PRPH2: variants seen among roughly 807,000 people sequenced by gnomAD.
PRPH2 encodes peripherin-2.
In PRPH2, 17 loss-of-function variants were observed where a neutral mutation model predicts 31.3. The observed-to-expected ratio is 0.54, with a 90% CI of 0.37 to 0.81. The LOEUF (loss-of-function observed/expected upper bound fraction) is 0.81, where lower values mean the gene tolerates loss of function less well. PRPH2 is among the 40% of genes least tolerant of loss of function. PRPH2 has a pLI of 0.00. For missense variants in PRPH2, 430 were observed against 439.7 expected, an observed-to-expected ratio of 0.98 and a Z score of 0.20; for synonymous variants, 165 against 184.4, an observed-to-expected ratio of 0.89 and a Z score of 0.85.
chr6:42,704,637 A>C, intron 1 of PRPH2, 26 bp from the exon 2 acceptor site: 1 of 1,614,106 alleles, frequency 6.2e-7, no homozygotes, highest in Non-Finnish European at 8.5e-7. Context: ...ACAGCTGGAG[A>C]TGGGCTTCCC....
chr6:42,720,312 G>C (rs932457552), intron 1 of PRPH2, among the ~76,000 whole-genome samples: 7 of 152,112 alleles, frequency 4.6e-5, no homozygotes, highest in African/African-American at 1.7e-4. Context: ...AAGATGAAAA[G>C]CCCCTTCTCT....
At chr6:42,705,705 C>G (rs1260337883) in intron 1 of PRPH2, among the ~76,000 whole-genome samples, 1 of 145,302 alleles carries the variant, frequency 6.9e-6, no homozygotes, top group Non-Finnish European at 1.5e-5. Context: ...GCCTGTAATC[C>G]CAGCACTTTG....
chr6:42,707,565 C>T (rs565870797), intron 1 of PRPH2, among the ~76,000 whole-genome samples: 5 of 152,308 alleles, frequency 3.3e-5, no homozygotes, highest in Admixed American at 3.3e-4. Flanking sequence ...ACAGGTCAGA[C>T]TTTTGATCTT....
Position 42,722,196 on chromosome 6 carries a change from T to C in PRPH2, c.139A>G (p.Lys47Glu), listed in dbSNP as rs1562434309. The change falls in exon 1 of 3, where the codon AAG becomes GAG. Residue 47 changes from lysine to glutamate, a missense_variant. Coordinates refer to ENST00000230381, the MANE Select transcript of PRPH2 (RefSeq NM_000322.5). This position sits in a 1 kb window ranked among gnomAD's most constrained non-coding sequence, Gnocchi z 4.4. ...LGLFLKIELR[K>E]RSDVMNNSES... is the part of the protein sequence containing the mutation. ...GAATTATTCATCACATCGCTCCTCT[T>C]TCGGAGTTCAATCTTCAGGAACAGT... 1 of 1,614,126 alleles carries C rather than the reference T, an allele frequency of 6.2e-7. No individual in the cohort carries two copies. Among genetic ancestry groups the C allele is most frequent in the Non-Finnish European group, 8.5e-7 (1 of 1,180,022 alleles).
chr6:42,714,417 T>C (rs1761733469), intron 1 of PRPH2, among the ~76,000 whole-genome samples: 1 of 152,220 alleles, frequency 6.6e-6, no homozygotes, highest in South Asian at 2.1e-4. Flanking sequence ...TAAAATTGAT[T>C]GTAATGCTGG....
intron 2 of PRPH2, among the ~76,000 whole-genome samples, chr6:42,702,069 C>T (rs552708704): frequency 1.3e-5 from 2 of 151,982 alleles, no homozygotes; most frequent in South Asian, 2.1e-4. Flanking sequence ...GGTCAAACCT[C>T]GTCTCTACTA....
intron 1 of PRPH2, among the ~76,000 whole-genome samples, chr6:42,719,914 G>A (rs756575574): frequency 1.3e-5 from 2 of 152,122 alleles, no homozygotes; most frequent in Non-Finnish European, 2.9e-5. Flanking sequence ...TTATGTAAAT[G>A]TTAACAAGAC....
chr6:42,708,153 G>C (rs187424295), intron 1 of PRPH2, among the ~76,000 whole-genome samples: 1 of 152,210 alleles, frequency 6.6e-6, no homozygotes, highest in Non-Finnish European at 1.5e-5. Flanking sequence ...TGTAAGAACA[G>C]AGCCCACCAC....
chr6:42,698,265 G>A lies in PRPH2; in HGVS notation c.*30C>T. 1 of 1,612,598 alleles carries A rather than the reference G, an allele frequency of 6.2e-7. No homozygotes were observed. Among genetic ancestry groups the A allele is most frequent in the South Asian group, 1.1e-5 (1 of 91,030 alleles). ...GTTTCTTGGAGTGCACTATTTCTCA[G>A]TGTTCGGGAGGGGAGGGGCCCCAGG... On this transcript the variant is annotated 3_prime_UTR_variant, in exon 3 of 3. Transcript: ENST00000230381.
intron 2 of PRPH2, among the ~76,000 whole-genome samples, chr6:42,700,949 C>T (rs962923040): frequency 1.3e-5 from 2 of 151,848 alleles, no homozygotes; most frequent in Admixed American, 6.6e-5. Flanking sequence ...AAGAGGCTGC[C>T]AATGGAACCC....
intron 1 of PRPH2, among the ~76,000 whole-genome samples, chr6:42,713,845 G>A (rs558010551): frequency 6.0e-5 from 9 of 148,996 alleles, no homozygotes; most frequent in African/African-American, 1.2e-4. Flanking sequence ...GCTTGAACCC[G>A]GGAGGCGAAG....
rs554945964 is a variant in PRPH2, at chr6:42,721,910, C to T, written c.425G>A (p.Arg142Gln). 28 of 1,614,124 alleles carry T rather than the reference C, an allele frequency of 1.7e-5. No homozygotes were observed. The highest frequency in any genetic ancestry group is 5.3e-5 in the African/African-American group (4 of 75,012). ...ACACCTGCCAGGGGTGTCTGTGTCC[C>T]GGTAGTACTTCATGCCGTTCTTGAG... The part of the protein sequence containing the change: ...QGLKNGMKYY[R>Q]DTDTPGRCFM... Residue 142 changes from arginine (R) to glutamine (Q), a missense_variant, in exon 1 of 3, where the codon CGG becomes CAG. By Grantham distance (43) the Arg-to-Gln change is conservative. Coordinates refer to ENST00000230381, the MANE Select transcript of PRPH2 (RefSeq NM_000322.5).
chr6:42,719,812 G>T (rs923751365), intron 1 of PRPH2, among the ~76,000 whole-genome samples: 1 of 150,770 alleles, frequency 6.6e-6, no homozygotes, highest in South Asian at 2.1e-4. Flanking sequence ...CAGGTGATCC[G>T]CCCGCCTCGG....
intron 2 of PRPH2, among the ~76,000 whole-genome samples, chr6:42,700,595 T>TA (rs1288057854): frequency 6.6e-6 from 1 of 152,246 alleles, no homozygotes; most frequent in Admixed American, 6.5e-5. Context: ...TAAATATTTT[T>TA]ACAGCAGAAA....
intron 1 of PRPH2, among the ~76,000 whole-genome samples, chr6:42,717,264 A>T (rs559554855): frequency 2.0e-5 from 3 of 151,868 alleles, no homozygotes; most frequent in South Asian, 2.1e-4. Context: ...AATACAAAAA[A>T]AAATAAATAG....
Position 42,722,117 on chromosome 6 carries a change from A to G in PRPH2, c.218T>C (p.Val73Ala). The change falls in exon 1 of 3, where the codon GTC becomes GCC. Residue 73 changes from valine (V) to alanine (A), a missense_variant. Physicochemically the swap from Val to Ala is moderately conservative, Grantham distance 64 (BLOSUM62 0). Coordinates refer to ENST00000230381, the MANE Select transcript of PRPH2 (RefSeq NM_000322.5). The surrounding 1 kb of genome is among the most constrained non-coding windows in gnomAD (Gnocchi z 4.4). ...GATCTTCCCAGCCAGCGAGTTGAAG[A>G]CACAGGATAGCACCCCCATCCCTAT... Reference protein sequence around the residue: ...SLIGMGVLSCVFNSLAGKICY... With the variant: ...SLIGMGVLSCAFNSLAGKICY... 6.2e-7 allele frequency: 1 copy of G among 1,614,158 alleles called. No homozygotes were observed.
At chr6:42,706,975 C>CTTTT (rs34162811) in intron 1 of PRPH2, among the ~76,000 whole-genome samples, 15 of 123,642 alleles carry the variant, frequency 1.2e-4, no homozygotes, top group African/African-American at 2.2e-4. Context: ...TCTTGGAGAT[C>CTTTT]TTTTTTTTTT....
chr6:42,698,373 C>T lies in PRPH2; in HGVS notation c.963G>A (p.Glu321=), dbSNP rs1311203500. 3 of 1,613,800 alleles carry T rather than the reference C, an allele frequency of 1.9e-6. No homozygotes were observed. The Admixed American group carries it at 5.0e-5, about 27-fold the overall frequency. ...SVPETWKAFL[E]SVKKLGKGNQ... ...TGCCCTTGCCCAGCTTCTTCACACT[C>T]TCCAGAAAGGCCTTCCAGGTCTCCG... is the stretch of plus-strand genomic sequence containing the variant. The change falls in exon 3 of 3, where the codon GAG becomes GAA. Residue 321 remains glutamate (E), a synonymous_variant. Transcript: ENST00000230381.
At position 42,698,127 on chromosome 6, in the gene PRPH2, C is replaced by T; in HGVS notation, c.*168G>A. ...GGTCAGTCATTCAACAACTGTGTGTCAAATGCTTTTAGGGACCCTAAACTT... is the reference window on the plus strand; with the variant it reads ...GGTCAGTCATTCAACAACTGTGTGTTAAATGCTTTTAGGGACCCTAAACTT... On this transcript the variant is annotated 3_prime_UTR_variant, in exon 3 of 3. Transcript: ENST00000230381. 1.1e-6 allele frequency: 1 copy of T among 894,470 alleles called. No individual in the cohort carries two copies. Among genetic ancestry groups the T allele is most frequent in the Non-Finnish European group, 1.7e-6 (1 of 589,456 alleles). 55.4% of individuals were successfully genotyped at this position (894,470 alleles called of 1,614,324 possible). A position where few individuals can be genotyped will look rare whatever the true frequency, so the allele number is the denominator to read the frequency against.
Sources: gnomAD v4.1 joint callset for allele counts (sites outside exome capture counted in the v4.1 genomes callset) on GRCh38, gnomAD v4.1.1 for gene constraint, Gnocchi (gnomAD v3.1) non-coding constraint, MANE v1.5 for transcripts, NCBI Gene and HGNC (gene_info 2026-07-23, HGNC 2026-07-21) for gene names.